The following LRPPRC variants were observed in gnomAD, a reference collection of about 807,000 sequenced individuals.
The protein encoded by LRPPRC is leucine rich pentatricopeptide repeat containing.
Under a neutral mutation model 180.3 loss-of-function variants are expected in LRPPRC, and 120 were observed. That is an observed-to-expected ratio of 0.67 (90% CI 0.57 to 0.77). The LOEUF (loss-of-function observed/expected upper bound fraction) is 0.77. Ranked by LOEUF, LRPPRC falls within the 30% of genes least tolerant of loss-of-function variation. The pLI is 0.00. For missense variants in LRPPRC, 2,012 were observed against 1,657.2 expected (o/e 1.21, Z -3.72); for synonymous variants, 723 against 600.0 (o/e 1.21, Z -3.00).
intron 3 of LRPPRC, among the ~76,000 whole-genome samples, chr2:43,978,416 C>A (rs1004844584): frequency 1.3e-5 from 2 of 152,108 alleles, no homozygotes; most frequent in East Asian, 3.8e-4. Flanking sequence ...AGAGACCTAT[C>A]TGTAAAGAAT....
In LRPPRC at chr2:43,992,966, AAC is replaced by A. The variant is rs1306899256; in HGVS notation, c.149+2831_149+2832del. Among the ~76,000 whole-genome samples, 3 of 152,314 alleles carry A rather than the reference AAC, an allele frequency of 2.0e-5. No homozygotes were observed. In the East Asian group the frequency reaches 5.8e-4, roughly 29 times the overall value. On this transcript the variant is annotated intron_variant, in intron 1 of 37. Coordinates refer to ENST00000260665, the MANE Select transcript of LRPPRC (RefSeq NM_133259.4). ...CAAAAGAGAATGAAAATGTTGAGAA[AAC>A]ACAGAAGGACCACGAGTAAAACTAC...
At chr2:43,889,017 C>G (rs540605226) in intron 37 of LRPPRC, among the ~76,000 whole-genome samples, 1 of 152,166 alleles carries the variant, frequency 6.6e-6, no homozygotes, top group African/African-American at 2.4e-5. Flanking sequence ...TATGTGATTT[C>G]TCTTATTAAA....
rs70965324 is a variant in LRPPRC, at chr2:43,966,414, AT to A, written c.1370-2709del. Among the ~76,000 whole-genome samples the A allele has an allele frequency of 2.7e-3, 400 of 147,132 alleles. 4 individuals carry two copies. Among genetic ancestry groups the A allele is most frequent in the African/African-American group, 8.3e-3 (332 of 40,000 alleles). On this transcript the variant is annotated intron_variant, in intron 11 of 37. Transcript: ENST00000260665. The stretch of plus-strand genomic sequence containing the variant: ...TGATCTCAAGTGTTCTGGCCACAAT[AT>A]TTTTTTTTTTTTGAGACGGAGTTTC...
chr2:43,944,441 T>C (rs1672604775), intron 22 of LRPPRC, among the ~76,000 whole-genome samples: 1 of 152,102 alleles, frequency 6.6e-6, no homozygotes, highest in Admixed American at 6.6e-5. Context: ...ACAAACATTT[T>C]AGGATATGGA....
At chr2:43,940,495 T>C (rs561067767) in intron 23 of LRPPRC, among the ~76,000 whole-genome samples, 5 of 152,184 alleles carry the variant, frequency 3.3e-5, no homozygotes, top group Non-Finnish European at 7.3e-5. Context: ...GAGGATAGTA[T>C]ATATGAAGTT....
At chr2:43,987,254 G>A (rs886714163) in intron 1 of LRPPRC, among the ~76,000 whole-genome samples, 9 of 152,102 alleles carry the variant, frequency 5.9e-5, no homozygotes, top group Non-Finnish European at 8.8e-5. Context: ...CAGCACTTAG[G>A]GGAGGCCGAG....
At chr2:43,970,275 A>ATTT (rs1673746413) in intron 11 of LRPPRC, among the ~76,000 whole-genome samples, 1 of 152,110 alleles carries the variant, frequency 6.6e-6, no homozygotes, top group Non-Finnish European at 1.5e-5. Context: ...TTTAACTTAC[A>ATTT]TTATCTTTCT....
At chr2:43,925,233 A>C in intron 26 of LRPPRC, 76 bp from the exon 27 acceptor site, 1 of 835,624 alleles carries the variant, frequency 1.2e-6, no homozygotes, top group Non-Finnish European at 2.1e-6. Flanking sequence ...GCAGTGGAAT[A>C]ATCTTTCAAA....
At chr2:43,908,333 C>T (rs188120878) in intron 30 of LRPPRC, among the ~76,000 whole-genome samples, 363 of 152,128 alleles carry the variant, frequency 2.4e-3, no homozygotes, top group African/African-American at 8.4e-3. Context: ...CATGAAGAAA[C>T]TAAAAATGAA....
At chr2:43,976,343 C>T in intron 5 of LRPPRC, 114 bp from the exon 6 acceptor site, 2 of 680,538 alleles carry the variant, frequency 2.9e-6, no homozygotes, top group Non-Finnish European at 5.3e-6. Context: ...TAGTAATATA[C>T]ATTTGTTTTA....
chr2:43,996,115 AC>A, upstream of LRPPRC: 1 of 582,404 alleles, frequency 1.7e-6, no homozygotes, highest in Non-Finnish European at 3.0e-6. Flanking sequence ...TTCTCCGAGG[AC>A]AGAAGACCCA....
intron 5 of LRPPRC, 92 bp downstream of exon 5, chr2:43,976,902 T>C (rs1674081882): frequency 5.0e-6 from 5 of 1,000,920 alleles, no homozygotes; most frequent in Non-Finnish European, 3.1e-6. Context: ...TTTCCTCCAT[T>C]AGGAAGAAGC....
chr2:43,932,163 C>G (rs148708543), intron 25 of LRPPRC, among the ~76,000 whole-genome samples: 333 of 120,344 alleles, frequency 2.8e-3, no homozygotes, highest in African/African-American at 0.01. Flanking sequence ...AGACTGGAGA[C>G]TGTCAAATAT....
In LRPPRC at chr2:43,918,391, G is replaced by A. The variant is rs1052539943; in HGVS notation, c.2904C>T (p.Asn968=). 63 of 1,606,402 alleles carry A rather than the reference G, an allele frequency of 3.9e-5. No homozygotes were observed. Among genetic ancestry groups the A allele is most frequent in the South Asian group, 1.2e-4 (11 of 90,914 alleles). ...CTGCATCAGCTCTTTGCCAGTCACC[G>A]TTTATTTCTGTAGAATTTGATTAAG... ...YYNLLKLYKI[N]GDWQRADAVW... Residue 968 remains asparagine, a synonymous_variant, in exon 28 of 38, where the codon AAC becomes AAT. Coordinates refer to ENST00000260665, the MANE Select transcript of LRPPRC (RefSeq NM_133259.4).
Position 43,974,303 on chromosome 2 carries a change from G to A in LRPPRC, c.1010-8C>T, listed in dbSNP as rs1673953019. 1 of 1,602,172 alleles carries A rather than the reference G, an allele frequency of 6.2e-7. No individual in the cohort carries two copies. ...AAATGAGGTTCATTGCATCTGGGAA[G>A]AAAACAAAGACATCTTTTGTTAATA... On this transcript the variant is annotated splice_region_variant and splice_polypyrimidine_tract_variant and intron_variant, in intron 8 of 37. Transcript: ENST00000260665.
chr2:43,941,851 A>T (rs913760733), intron 23 of LRPPRC, among the ~76,000 whole-genome samples: 1 of 151,324 alleles, frequency 6.6e-6, no homozygotes, highest in African/African-American at 2.4e-5. Flanking sequence ...AAAAAAAAAA[A>T]AAAAAAACTA....
chr2:43,983,553 CTT>C lies in LRPPRC; in HGVS notation c.150-1121_150-1120del, dbSNP rs1674402222. ...ATGCTTTCTCTGCATTTAAACATCACTTTTAACAAATGATTTCTAATTATCAG... is the reference window on the plus strand; with the variant it reads ...ATGCTTTCTCTGCATTTAAACATCACTTAACAAATGATTTCTAATTATCAG... On this transcript the variant is annotated intron_variant, in intron 1 of 37. Transcript: ENST00000260665. Among the ~76,000 whole-genome samples, 3 of 152,238 alleles carry C rather than the reference CTT, an allele frequency of 2.0e-5. No homozygotes were observed. In the South Asian group the frequency reaches 6.2e-4, roughly 32 times the overall value.
At chr2:43,934,701 A>T in intron 24 of LRPPRC, 53 bp downstream of exon 24, 1 of 1,543,256 alleles carries the variant, frequency 6.5e-7, no homozygotes, top group East Asian at 2.2e-5. Flanking sequence ...ACTAAGATTA[A>T]ATCAGCAAGA....
rs1671823864 is a variant in LRPPRC at position 43,924,938 on chromosome 2, A to C, written c.2896+129T>G. 3 of 714,820 alleles carry C rather than the reference A, an allele frequency of 4.2e-6. No homozygotes were observed. The Admixed American group carries it at 5.8e-5, about 14-fold the overall frequency. 44.3% of individuals were successfully genotyped at this position (714,820 alleles called of 1,614,324 possible). On this transcript the variant is annotated intron_variant, in intron 27 of 37. Transcript: ENST00000260665. ...TGTGATAAAATTCAATCTAGCCTCT[A>C]CCTGAGCCTCTGTTGAATGAAAACT...
Sources: allele counts gnomAD v4.1 joint callset (sites outside exome capture counted in the v4.1 genomes callset), GRCh38; gene constraint gnomAD v4.1.1; transcripts MANE v1.5; gene names NCBI Gene and HGNC (gene_info 2026-07-23, HGNC 2026-07-21).